The following TCF20 variants were observed in gnomAD, a reference collection of about 807,000 sequenced individuals.
The protein encoded by TCF20 is transcription factor 20.
In TCF20, 3 loss-of-function variants were observed where a neutral mutation model predicts 148.6. The observed-to-expected ratio is 0.02, with a 90% confidence interval of 0.01 to 0.05. TCF20 has a LOEUF of 0.05. TCF20 is among the 10% of genes least tolerant of loss of function. The pLI, the probability that TCF20 is intolerant of heterozygous loss-of-function variation, is 1.00. For missense variants in TCF20, 2,350 were observed against 2,429.3 expected, an observed-to-expected ratio of 0.97 and a Z score of 0.69; for synonymous variants, 1,049 against 909.5, an observed-to-expected ratio of 1.15 and a Z score of -2.76.
intron 2 of TCF20, among the ~76,000 whole-genome samples, chr22:42,183,430 C>G (rs969044939): frequency 1.3e-5 from 2 of 152,206 alleles, no homozygotes; most frequent in Non-Finnish European, 2.9e-5. Flanking sequence ...GATTCCCCCC[C>G]AGAGGGAGTT....
chr22:42,208,098 A>G (rs1938512970), intron 2 of TCF20, among the ~76,000 whole-genome samples: 1 of 152,078 alleles, frequency 6.6e-6, no homozygotes, highest in Non-Finnish European at 1.5e-5. Context: ...GGATCCCTTG[A>G]GCCCAGTGGT....
intron 3 of TCF20, among the ~76,000 whole-genome samples, chr22:42,171,840 C>T (rs1477198110): frequency 2.6e-5 from 4 of 152,152 alleles, no homozygotes; most frequent in Non-Finnish European, 4.4e-5. Flanking sequence ...GCCACGCTTA[C>T]GCCACAGGGG....
At chr22:42,321,062 C>G (rs1328114785) in intron 1 of TCF20, among the ~76,000 whole-genome samples, 1 of 152,240 alleles carries the variant, frequency 6.6e-6, no homozygotes, top group Non-Finnish European at 1.5e-5. Flanking sequence ...TCAGGCAACG[C>G]AGACTTACAG....
intron 1 of TCF20, among the ~76,000 whole-genome samples, chr22:42,337,129 C>T (rs1451300441): frequency 6.6e-6 from 1 of 152,182 alleles, no homozygotes; most frequent in African/African-American, 2.4e-5. Context: ...ACATCAGGGG[C>T]TCCTGGGCCC....
chr22:42,294,621 A>G (rs889822738), intron 1 of TCF20, among the ~76,000 whole-genome samples: 9 of 152,144 alleles, frequency 5.9e-5, no homozygotes, highest in Non-Finnish European at 7.4e-5. Flanking sequence ...CACATTTTCA[A>G]CAGCGGCCAC....
At chr22:42,266,309 A>T (rs966497038) in intron 1 of TCF20, among the ~76,000 whole-genome samples, 5 of 152,206 alleles carry the variant, frequency 3.3e-5, no homozygotes, top group African/African-American at 7.2e-5. Context: ...ATTGTAACAC[A>T]ATTTAAAATG....
At chr22:42,277,010 C>G (rs1926794805) in intron 1 of TCF20, 1 of 152,186 alleles carries the variant, frequency 6.6e-6, no homozygotes, top group Admixed American at 6.5e-5. Context: ...CTTCACCATT[C>G]AAGTTTATTC....
chr22:42,175,952 G>C (rs1351324607), intron 3 of TCF20, among the ~76,000 whole-genome samples: 1 of 151,398 alleles, frequency 6.6e-6, no homozygotes, highest in Non-Finnish European at 1.5e-5. Context: ...GGGCCACCAC[G>C]CCTGGCTAAT....
At chr22:42,184,456 C>CA (rs1048779185) in intron 2 of TCF20, among the ~76,000 whole-genome samples, 3 of 152,132 alleles carry the variant, frequency 2.0e-5, no homozygotes, top group African/African-American at 7.2e-5. Flanking sequence ...CCCTTCTACC[C>CA]AAAAATCAAT....
intron 2 of TCF20, among the ~76,000 whole-genome samples, chr22:42,187,209 C>T (rs988112311): frequency 6.6e-6 from 1 of 152,174 alleles, no homozygotes; most frequent in Non-Finnish European, 1.5e-5. Flanking sequence ...ACTTAGGGCC[C>T]AATAGTTCAT....
At chr22:42,247,153 G>A (rs1213398505) in intron 1 of TCF20, among the ~76,000 whole-genome samples, 1 of 151,564 alleles carries the variant, frequency 6.6e-6, no homozygotes, top group Non-Finnish European at 1.5e-5. Context: ...AAAAGATGGA[G>A]AACAGGCTGC....
chr22:42,170,651 A>AAAAAAAAG, intron 3 of TCF20, among the ~76,000 whole-genome samples: 1 of 139,318 alleles, frequency 7.2e-6, no homozygotes. Context: ...AAAAAAAAAA[A>AAAAAAAAG]AAAAGACTGA....
At chr22:42,282,592 C>T (rs75801166) in intron 1 of TCF20, among the ~76,000 whole-genome samples, 4 of 152,246 alleles carry the variant, frequency 2.6e-5, no homozygotes, top group African/African-American at 4.8e-5. Context: ...TCTCTGGTCA[C>T]GCTTGGGAAG....
intron 1 of TCF20, among the ~76,000 whole-genome samples, chr22:42,327,527 G>A (rs1030511094): frequency 2.6e-5 from 4 of 152,132 alleles, no homozygotes; most frequent in Admixed American, 1.3e-4. Context: ...TTTCCTGTGC[G>A]GAAGCTTCGG....
At position 42,210,758 on chromosome 22, in the gene TCF20, G is replaced by C; in HGVS notation, c.4548C>G (p.Asn1516Lys). The change falls in exon 2 of 6, where the codon AAC (asparagine) becomes AAG (lysine). Residue 1516 changes from asparagine to lysine, a missense_variant. By Grantham distance (94) the Asn-to-Lys change is moderately conservative (BLOSUM62 0). Coordinates refer to ENST00000677622, the MANE Select transcript of TCF20 (RefSeq NM_001378418.1). This position sits in a 1 kb window ranked among gnomAD's most constrained non-coding sequence, Gnocchi z 4.7. ...EANPKAEEKE[N>K]DTVTISPKQE... is the part of the protein sequence containing the mutation. ...GCTTCGGTGAAATCGTCACTGTATC[G>C]TTCTCCTTCTCTTCAGCCTTGGGGT... 1 of 1,614,104 alleles carries C rather than the reference G, an allele frequency of 6.2e-7. No homozygotes were observed. The highest frequency in any genetic ancestry group is 2.2e-5 in the East Asian group (1 of 44,888).
chr22:42,236,843 C>G (rs1419289054), intron 1 of TCF20, among the ~76,000 whole-genome samples: 1 of 152,166 alleles, frequency 6.6e-6, no homozygotes, highest in East Asian at 1.9e-4. Flanking sequence ...CTTCAGTCTA[C>G]TAAGTGTGAA....
chr22:42,251,631 T>C (rs879457902), intron 1 of TCF20, among the ~76,000 whole-genome samples: 1 of 146,986 alleles, frequency 6.8e-6, no homozygotes, highest in Non-Finnish European at 1.5e-5. Context: ...GCATCCCGAG[T>C]AGCGGGGACT....
In TCF20 at chr22:42,161,140, C is replaced by A; in HGVS notation, c.*263G>T. On this transcript the variant is annotated 3_prime_UTR_variant, in exon 6 of 6. Transcript: ENST00000677622. ...CCTCCCCCCTCCCCCCACATTGTCACTATGGAGATTGTGTCCATGGAAACA... is the reference window on the plus strand; with the variant it reads ...CCTCCCCCCTCCCCCCACATTGTCAATATGGAGATTGTGTCCATGGAAACA... 2.7e-6 allele frequency: 1 copy of A among 366,804 alleles called. No homozygotes were observed. The highest frequency in any genetic ancestry group is 5.0e-6 in the Non-Finnish European group (1 of 201,034). The allele number at this position is 366,804 out of a possible 1,614,324, so 22.7% of individuals were successfully genotyped here. A position where few individuals can be genotyped will look rare whatever the true frequency, so the allele number is the denominator to read the frequency against.
At chr22:42,162,460 G>C (rs1019617742) in intron 5 of TCF20, among the ~76,000 whole-genome samples, 1 of 152,306 alleles carries the variant, frequency 6.6e-6, no homozygotes, top group Non-Finnish European at 1.5e-5. Flanking sequence ...CCCATGTGCA[G>C]AAGGGGATTC....
Sources: gnomAD v4.1 joint callset for allele counts (sites outside exome capture counted in the v4.1 genomes callset) on GRCh38, gnomAD v4.1.1 for gene constraint, Gnocchi (gnomAD v3.1) non-coding constraint, MANE v1.5 for transcripts, NCBI Gene and HGNC (gene_info 2026-07-23, HGNC 2026-07-21) for gene names.